Variants in GGCX observed in about 807,000 individuals in gnomAD.
The protein encoded by GGCX is vitamin K-dependent gamma-carboxylase.
GGCX carries 63 observed loss-of-function variants against 88.5 expected under a neutral mutation model. The observed-to-expected ratio is 0.71, with a 90% CI of 0.58 to 0.88. GGCX has a LOEUF of 0.88. Ranked by LOEUF, GGCX falls within the 40% of genes least tolerant of loss-of-function variation. GGCX has a pLI of 0.00. For missense variants in GGCX, 805 were observed against 932.9 expected, an observed-to-expected ratio of 0.86 and a Z score of 1.79; for synonymous variants, 368 against 365.8, an observed-to-expected ratio of 1.01 and a Z score of -0.07.
rs188450841 is a variant in GGCX, at chr2:85,555,261, C to A, written c.725+223G>T. 2.2e-3 allele frequency: 1,004 copies of A among 453,904 alleles called. 8 individuals are homozygous for A. The highest frequency in any genetic ancestry group is 0.017 in the African/African-American group (876 of 50,186). The allele number at this position is 453,904 out of a possible 1,614,324, so 28.1% of individuals were successfully genotyped here. On this transcript the variant is annotated intron_variant, in intron 6 of 14. Transcript: ENST00000233838. ...GCTCTTTCCTTTCCTTTTTAAATTT[C>A]TTTTCCTTTCTTGCCTATCTATACC...
Position 85,556,287 on chromosome 2 carries a change from G to T in GGCX, c.540-27C>A, listed in dbSNP as rs905853952. 6 of 1,433,448 alleles carry T rather than the reference G, an allele frequency of 4.2e-6. No homozygotes were observed. In the South Asian group the frequency reaches 4.6e-5, roughly 11 times the overall value. The allele number at this position is 1,433,448 out of a possible 1,614,324, so 88.8% of individuals were successfully genotyped here. On this transcript the variant is annotated intron_variant, in intron 4 of 14. Transcript: ENST00000233838. ...TACACCGAGGGAGGTAAACATTGAGGGGGGAGCTGCTTAATGCAGCTACAT... is the reference window on the plus strand; with the variant it reads ...TACACCGAGGGAGGTAAACATTGAGTGGGGAGCTGCTTAATGCAGCTACAT...
intron 10 of GGCX, 69 bp from the exon 11 acceptor site, chr2:85,552,050 C>A: frequency 1.8e-6 from 2 of 1,136,710 alleles, no homozygotes. Context: ...AGTTCTCTCC[C>A]TTTCATCATC....
In GGCX at chr2:85,546,754, T is replaced by C. The variant is rs1239920991; in HGVS notation, c.*3180A>G. The C allele has an allele frequency of 6.6e-6, 1 of 152,194 alleles. No homozygotes were observed. The highest frequency in any genetic ancestry group is 6.5e-5 in the Admixed American group (1 of 15,270). 9.4% of individuals were successfully genotyped at this position (152,194 alleles called of 1,614,324 possible). On this transcript the variant is annotated 3_prime_UTR_variant, in exon 15 of 15. Transcript: ENST00000233838. ...AGGGGGAGGGCAAGGTTAAAACCTA[T>C]GCAGGTGTGTCAATTAGACTTGTTC...
chr2:85,554,540 A>C (rs1692122518), intron 6 of GGCX: 1 of 554,808 alleles, frequency 1.8e-6, no homozygotes, highest in Non-Finnish European at 3.3e-6. Flanking sequence ...ATCATGGTGC[A>C]CTGTAGCCTC....
rs770278400 is a variant in GGCX, at chr2:85,554,289, T to A, written c.743A>T (p.Glu248Val). Residue 248 changes from glutamate to valine, a missense_variant, in exon 7 of 15, where the codon GAG becomes GTG. This residue lies in a region of GGCX where 680 missense variants were observed against 763.7 expected (regional missense o/e 0.89). Coordinates refer to ENST00000233838, the MANE Select transcript of GGCX (RefSeq NM_000821.7). ...GTGCACGACCAGCAGGCTAGTCAGC[T>A]CCTCAGACAACAGCAGTCTGCAAAC... is the stretch of plus-strand genomic sequence containing the variant. ...FSPFKLLLSE[E>V]LTSLLVVHWG... is the part of the protein sequence containing the mutation. The A allele has an allele frequency of 6.2e-7, 1 of 1,613,986 alleles. No homozygotes were observed. The highest frequency in any genetic ancestry group is 8.5e-7 in the Non-Finnish European group (1 of 1,179,924).
intron 2 of GGCX, among the ~76,000 whole-genome samples, chr2:85,559,297 T>G (rs1416726242): frequency 6.6e-6 from 1 of 152,162 alleles, no homozygotes; most frequent in African/African-American, 2.4e-5. Context: ...AATTCCCCAT[T>G]TGTGAGAAGG....
chr2:85,550,920 C>G lies in GGCX; in HGVS notation c.1888+5G>C. 1.2e-6 allele frequency: 2 copies of G among 1,614,070 alleles called. No homozygotes were observed. The highest frequency in any genetic ancestry group is 1.7e-6 in the Non-Finnish European group (2 of 1,179,920). ...CTATCTCAGCCCAAATGTTCATACA[C>G]TCACCACTTCCATTCTCCACCTTTT... On this transcript the variant is annotated splice_donor_5th_base_variant and intron_variant, in intron 13 of 14. Transcript: ENST00000233838.
intron 1 of GGCX, 99 bp downstream of exon 1, chr2:85,561,287 C>G (rs564445108): frequency 5.2e-5 from 35 of 667,604 alleles, no homozygotes; most frequent in African/African-American, 2.9e-4. Flanking sequence ...GGACCCCCCC[C>G]CCGCCTCACC....
intron 2 of GGCX, 139 bp from the exon 3 acceptor site, chr2:85,559,214 T>TAC: frequency 1.3e-6 from 1 of 755,682 alleles, no homozygotes; most frequent in Non-Finnish European, 2.3e-6. Flanking sequence ...TCAGTATTAA[T>TAC]TATTGAGTGC....
At chr2:85,560,004 C>G (rs1692362871) in intron 2 of GGCX, among the ~76,000 whole-genome samples, 1 of 152,312 alleles carries the variant, frequency 6.6e-6, no homozygotes, top group East Asian at 1.9e-4. Flanking sequence ...CCTATTCTTC[C>G]TCCCCCAAGT....
intron 2 of GGCX, among the ~76,000 whole-genome samples, chr2:85,559,719 AAAAG>A (rs61544460): frequency 0.31 from 47,137 of 151,028 alleles, 7,460 homozygotes; most frequent in African/African-American, 0.36. Flanking sequence ...CCGTCTCAAA[AAAAG>A]AAAGAAAGAA....
chr2:85,553,360 A>C lies in GGCX; in HGVS notation c.1027T>G (p.Cys343Gly). ...TTGCCCCGGCTCCTCTTATACACACAGGAAACACTGGGCTGAGGGGCTGCC... is the reference window on the plus strand; with the variant it reads ...TTGCCCCGGCTCCTCTTATACACACCGGAAACACTGGGCTGAGGGGCTGCC... ...LKAAPQPSVS[C>G]VYKRSRGKSG... Residue 343 changes from cysteine to glycine, a missense_variant, in exon 8 of 15, where the codon TGT (cysteine) becomes GGT (glycine). This residue lies in a region of GGCX where 680 missense variants were observed against 763.7 expected (regional missense o/e 0.89). Transcript: ENST00000233838. The C allele has an allele frequency of 6.2e-7, 1 of 1,614,234 alleles. No individual in the cohort carries two copies. Among genetic ancestry groups the C allele is most frequent in the South Asian group, 1.1e-5 (1 of 91,084 alleles).
At position 85,551,054 on chromosome 2, in the gene GGCX, G is replaced by A; in HGVS notation, c.1759C>T (p.His587Tyr). The A allele has an allele frequency of 6.2e-7, 1 of 1,613,876 alleles. No homozygotes were observed. Among genetic ancestry groups the A allele is most frequent in the Non-Finnish European group, 8.5e-7 (1 of 1,179,750 alleles). The stretch of plus-strand genomic sequence containing the variant: ...CTAGGTGATGTCGTATACACCTTAT[G>A]GTACTCACCAGCAGGCAACTGACAA... ...EKMQLPAGEY[H>Y]KVYTTSPSPS... Residue 587 changes from histidine to tyrosine, a missense_variant, in exon 13 of 15, where the codon CAT (histidine) becomes TAT (tyrosine). Coordinates refer to ENST00000233838, the MANE Select transcript of GGCX (RefSeq NM_000821.7).
At chr2:85,555,700 GTTACAGTCCTTGACCCAAATA>G (rs1378840616) in intron 5 of GGCX, 110 bp from the exon 6 acceptor site, 104 of 709,682 alleles carry the variant, frequency 1.5e-4, no homozygotes, top group Middle Eastern at 4.7e-4. Flanking sequence ...ATGCTCCTGA[GTTACAGTCCTTGACCCAAATA>G]TTACAGTCCT....
At chr2:85,555,398 T>C (rs1692166350) in intron 6 of GGCX, 86 bp downstream of exon 6, 1 of 769,030 alleles carries the variant, frequency 1.3e-6, no homozygotes, top group Admixed American at 1.9e-5. Flanking sequence ...TCAGGCAAAG[T>C]AGGAACAGGT....
intron 1 of GGCX, among the ~76,000 whole-genome samples, 187 bp from the exon 2 acceptor site, chr2:85,561,172 G>T (rs960414842): frequency 6.6e-6 from 1 of 152,114 alleles, no homozygotes; most frequent in Non-Finnish European, 1.5e-5. Flanking sequence ...TAATGTCCCA[G>T]AACCCCTCAG....
At position 85,546,995 on chromosome 2, in the gene GGCX, C is replaced by CAAAG. The variant is rs1691699831; in HGVS notation, c.*2935_*2938dup. 6.6e-6 allele frequency: 1 copy of CAAAG among 152,120 alleles called. No individual in the cohort carries two copies. Among genetic ancestry groups the CAAAG allele is most frequent in the East Asian group, 1.9e-4 (1 of 5,192 alleles). 9.4% of individuals were successfully genotyped at this position (152,120 alleles called of 1,614,324 possible). A position where few individuals can be genotyped will look rare whatever the true frequency, so the allele number is the denominator to read the frequency against. ...TTATGTTCAGTATTTGCTAAGTAAA[C>CAAAG]AAAGATTCCCCAACCTTGAGGGAGC... On this transcript the variant is annotated 3_prime_UTR_variant, in exon 15 of 15. Coordinates refer to ENST00000233838, the MANE Select transcript of GGCX (RefSeq NM_000821.7).
At chr2:85,561,278 G>GCCCCCC in intron 1 of GGCX, 108 bp downstream of exon 1, 2 of 567,866 alleles carry the variant, frequency 3.5e-6, no homozygotes, top group Non-Finnish European at 3.1e-6. Flanking sequence ...CCCCACAGAG[G>GCCCCCC]ACCCCCCCCC....
intron 2 of GGCX, 97 bp from the exon 3 acceptor site, chr2:85,559,172 A>C (rs1692330801): frequency 1.0e-6 from 1 of 989,566 alleles, no homozygotes; most frequent in Non-Finnish European, 1.6e-6. Flanking sequence ...CCAGGGTCAG[A>C]CTTCTTTTCT....
Sources: allele counts gnomAD v4.1 joint callset (sites outside exome capture counted in the v4.1 genomes callset), GRCh38; gene constraint gnomAD v4.1.1; regional missense constraint gnomAD v4.1.1; transcripts MANE v1.5; gene names NCBI Gene and HGNC (gene_info 2026-07-23, HGNC 2026-07-21).